Variants in CEP128 observed in about 807,000 individuals in gnomAD.
CEP128 encodes the protein centrosomal protein 128.
Under a neutral mutation model 156.7 loss-of-function variants are expected in CEP128, and 132 were observed. That is an observed-to-expected ratio of 0.84 (90% CI 0.73 to 0.97). The LOEUF (loss-of-function observed/expected upper bound fraction) is 0.97, where lower values mean the gene tolerates loss of function less well. CEP128 is among the 50% of genes least tolerant of loss of function. CEP128 has a pLI of 0.00. For synonymous variants in CEP128, 469 were observed against 448.9 expected, an observed-to-expected ratio of 1.04 and a Z score of -0.57; for missense variants, 1,252 against 1,281.9, an observed-to-expected ratio of 0.98 and a Z score of 0.36.
At chr14:80,907,259 C>G (rs896976190) in intron 4 of CEP128, among the ~76,000 whole-genome samples, 1 of 152,006 alleles carries the variant, frequency 6.6e-6, no homozygotes, top group Admixed American at 6.6e-5. Flanking sequence ...TTTTGTCCCT[C>G]TCATTTCCGA....
rs72689088 is a variant in CEP128 at position 80,618,186 on chromosome 14, C to T, written c.2807-37763G>A. Among the ~76,000 whole-genome samples the T allele has an allele frequency of 5.7e-3, 862 of 152,244 alleles. 7 individuals carry two copies. Among genetic ancestry groups the T allele is most frequent in the Middle Eastern group, 0.014 (4 of 294 alleles). ...TACTTTTGCTTCAATTTTTTTCGTT[C>T]AATTACCTTTCCATCAATTTTATTC... On this transcript the variant is annotated intron_variant, in intron 19 of 24. Coordinates refer to ENST00000555265, the MANE Select transcript of CEP128 (RefSeq NM_152446.5).
chr14:80,575,170 T>C (rs894013320), intron 20 of CEP128, among the ~76,000 whole-genome samples: 13 of 150,564 alleles, frequency 8.6e-5, no homozygotes, highest in African/African-American at 1.9e-4. Flanking sequence ...TATACATGTA[T>C]ATATACAAAA....
intron 23 of CEP128, among the ~76,000 whole-genome samples, chr14:80,513,563 C>A (rs1373790830): frequency 1.3e-5 from 2 of 151,818 alleles, no homozygotes. Flanking sequence ...CTACTCTAAT[C>A]TCTCTCTCTC....
intron 6 of CEP128, 110 bp from the exon 7 acceptor site, chr14:80,900,139 C>A: frequency 1.1e-5 from 7 of 620,542 alleles, no homozygotes; most frequent in South Asian, 6.0e-5. Flanking sequence ...AACCAGATTC[C>A]GTAATATTAT....
At chr14:80,703,664 GCTCA>G (rs1165991719) in intron 19 of CEP128, among the ~76,000 whole-genome samples, 1 of 151,872 alleles carries the variant, frequency 6.6e-6, no homozygotes, top group East Asian at 1.9e-4. Context: ...TCTATCTTTT[GCTCA>G]CTTTCTCCCA....
chr14:80,676,401 C>T (rs1277233677), intron 19 of CEP128, among the ~76,000 whole-genome samples: 1 of 151,722 alleles, frequency 6.6e-6, no homozygotes, highest in Non-Finnish European at 1.5e-5. Context: ...TTGAGTTTTA[C>T]ATTCAGAAAC....
intron 19 of CEP128, among the ~76,000 whole-genome samples, chr14:80,699,308 A>G (rs971694144): frequency 3.3e-5 from 5 of 152,148 alleles, no homozygotes; most frequent in African/African-American, 9.6e-5. Context: ...CTATTCAAAT[A>G]AAAAACAGTG....
intron 19 of CEP128, among the ~76,000 whole-genome samples, chr14:80,682,105 C>G (rs1896346820): frequency 1.3e-5 from 2 of 151,676 alleles, no homozygotes; most frequent in Non-Finnish European, 2.9e-5. Context: ...AAGACCCTTT[C>G]CCCCCACAAA....
At chr14:80,511,585 A>G (rs1888260695) in intron 23 of CEP128, among the ~76,000 whole-genome samples, 1 of 151,032 alleles carries the variant, frequency 6.6e-6, no homozygotes, top group South Asian at 2.1e-4. Context: ...TTTTCATTTC[A>G]CTTTCATTTA....
At chr14:80,804,129 C>T (rs1218081338) in intron 13 of CEP128, among the ~76,000 whole-genome samples, 1 of 151,206 alleles carries the variant, frequency 6.6e-6, no homozygotes, top group Non-Finnish European at 1.5e-5. Flanking sequence ...AAATTTTAAT[C>T]ATTTTTAAAT....
At chr14:80,564,861 C>T (rs972031988) in intron 20 of CEP128, among the ~76,000 whole-genome samples, 20 of 152,072 alleles carry the variant, frequency 1.3e-4, no homozygotes, top group South Asian at 1.2e-3. Context: ...GAGTCTGAGA[C>T]GAGCCTGGCT....
intron 20 of CEP128, among the ~76,000 whole-genome samples, chr14:80,570,599 T>C (rs547594192): frequency 1.6e-4 from 24 of 152,182 alleles, no homozygotes; most frequent in Non-Finnish European, 2.8e-4. Flanking sequence ...CAAAACAGTC[T>C]ATACTAACCT....
intron 20 of CEP128, among the ~76,000 whole-genome samples, chr14:80,566,310 C>A (rs1890905760): frequency 6.6e-6 from 1 of 152,072 alleles, no homozygotes; most frequent in Non-Finnish European, 1.5e-5. Flanking sequence ...CAGCATTTCC[C>A]CATGACAATC....
intron 19 of CEP128, among the ~76,000 whole-genome samples, chr14:80,597,655 A>C (rs1388820843): frequency 6.6e-6 from 1 of 151,864 alleles, no homozygotes; most frequent in East Asian, 1.9e-4. Context: ...AGAAAAAAAA[A>C]AACCGCAGCT....
At chr14:80,745,625 T>A (rs972365044) in intron 18 of CEP128, among the ~76,000 whole-genome samples, 2 of 152,126 alleles carry the variant, frequency 1.3e-5, no homozygotes, top group Non-Finnish European at 2.9e-5. Flanking sequence ...TTAAAATATC[T>A]ATGGAAAACC....
chr14:80,528,688 T>C (rs1228362679), intron 22 of CEP128, among the ~76,000 whole-genome samples: 2 of 152,228 alleles, frequency 1.3e-5, no homozygotes, highest in East Asian at 3.9e-4. Flanking sequence ...AGTCATAGGC[T>C]ATGGTACTAT....
chr14:80,684,393 C>A (rs1896444165), intron 19 of CEP128, among the ~76,000 whole-genome samples: 1 of 151,918 alleles, frequency 6.6e-6, no homozygotes, highest in Non-Finnish European at 1.5e-5. Flanking sequence ...AAGATTTAAT[C>A]AGGAATAAAT....
chr14:80,950,751 T>A (rs947490044), intron 2 of CEP128, among the ~76,000 whole-genome samples: 3 of 151,930 alleles, frequency 2.0e-5, no homozygotes, highest in African/African-American at 7.2e-5. Context: ...AAACAATGGC[T>A]AAAAATTTTC....
At position 80,862,824 on chromosome 14, in the gene CEP128, C is replaced by G; in HGVS notation, c.695G>C (p.Arg232Pro). The part of the protein sequence containing the change: ...RRLQELEREM[R>P]TERELVERRQ... ...TCTTTCCACCAGCTCCCTTTCTGTG[C>G]GCATCTCTCTCTCCAGTTCCTGAAG... The change falls in exon 9 of 25, where the codon CGC (arginine) becomes CCC (proline). Residue 232 changes from arginine to proline, a missense_variant. Coordinates refer to ENST00000555265, the MANE Select transcript of CEP128 (RefSeq NM_152446.5). 1 of 1,613,964 alleles carries G rather than the reference C, an allele frequency of 6.2e-7. No individual in the cohort carries two copies. The highest frequency in any genetic ancestry group is 8.5e-7 in the Non-Finnish European group (1 of 1,179,922).
Sources: gnomAD v4.1 joint callset for allele counts (sites outside exome capture counted in the v4.1 genomes callset) on GRCh38, gnomAD v4.1.1 for gene constraint, MANE v1.5 for transcripts, NCBI Gene and HGNC (gene_info 2026-07-23, HGNC 2026-07-21) for gene names.